Variants in ZC3H12C observed in about 807,000 individuals in gnomAD.
ZC3H12C encodes probable ribonuclease ZC3H12C.
A neutral mutation model predicts 76.3 loss-of-function variants in ZC3H12C; 20 were observed. The observed-to-expected ratio is 0.26, with a 90% CI of 0.18 to 0.38. The LOEUF (loss-of-function observed/expected upper bound fraction) is 0.38. Among genes scored for constraint, ZC3H12C ranks in the 10% least tolerant of loss-of-function variants. The probability of loss-of-function intolerance (pLI) is 1.00; values close to 1 mark genes in which losing one functional copy is unlikely to be tolerated. For synonymous variants in ZC3H12C, 352 were observed against 399.6 expected, an observed-to-expected ratio of 0.88 and a Z score of 1.42; for missense variants, 874 against 1,086.5, an observed-to-expected ratio of 0.80 and a Z score of 2.75.
chr11:110,142,213 C>G (rs1862078280), intron 2 of ZC3H12C, among the ~76,000 whole-genome samples: 1 of 152,166 alleles, frequency 6.6e-6, no homozygotes. Flanking sequence ...CATTGCACCT[C>G]TTTATAATTC....
intron 4 of ZC3H12C, among the ~76,000 whole-genome samples, chr11:110,162,433 G>T (rs1862497505): frequency 6.6e-6 from 1 of 152,124 alleles, no homozygotes; most frequent in Admixed American, 6.5e-5. Flanking sequence ...TCCTGTAAGG[G>T]TTCATACATT....
chr11:110,169,745 TAATAAA>T lies in ZC3H12C; in HGVS notation c.*4010_*4015del, dbSNP rs997540325. 4.6e-5 allele frequency: 7 copies of T among 152,190 alleles called. No individual in the cohort carries two copies. Among genetic ancestry groups the T allele is most frequent in the African/African-American group, 1.2e-4 (5 of 41,456 alleles). The allele number at this position is 152,190 out of a possible 1,614,324, so 9.4% of individuals were successfully genotyped here. On this transcript the variant is annotated 3_prime_UTR_variant, in exon 6 of 6. Coordinates refer to ENST00000278590, the MANE Select transcript of ZC3H12C (RefSeq NM_033390.2). ...TTAGAATAAGAGAAAACAGTAGTGT[TAATAAA>T]AGTAAAGAAACATACACTATCTTAG...
chr11:110,140,529 C>CAT (rs1244150568), intron 2 of ZC3H12C, among the ~76,000 whole-genome samples: 3 of 152,308 alleles, frequency 2.0e-5, no homozygotes, highest in African/African-American at 7.2e-5. Flanking sequence ...CACATCATGC[C>CAT]ATAGCACACA....
intron 1 of ZC3H12C, among the ~76,000 whole-genome samples, chr11:110,103,998 T>C (rs1016464388): frequency 3.4e-5 from 5 of 145,526 alleles, no homozygotes; most frequent in African/African-American, 1.0e-4. Flanking sequence ...AAACAATTCT[T>C]TTTTTTTTTT....
intron 1 of ZC3H12C, among the ~76,000 whole-genome samples, chr11:110,093,780 C>T (rs1459488089): frequency 1.3e-5 from 2 of 152,054 alleles, no homozygotes; most frequent in East Asian, 1.9e-4. Context: ...AACATGGAGG[C>T]GGGCTCGGGC....
At chr11:110,126,216 CTTTTT>C (rs56199067) in intron 1 of ZC3H12C, among the ~76,000 whole-genome samples, 1 of 86,248 alleles carries the variant, frequency 1.2e-5, no homozygotes. Context: ...TTGTTTTCTT[CTTTTT>C]TTTTTTTTTT....
rs1203726740 is a variant in ZC3H12C, at chr11:110,165,207, C to G, written c.2122C>G (p.Leu708Val). The change falls in exon 6 of 6, where the codon CTG becomes GTG. Residue 708 changes from leucine (L) to valine (V), a missense_variant. Coordinates refer to ENST00000278590, the MANE Select transcript of ZC3H12C (RefSeq NM_033390.2). The part of the protein sequence containing the change: ...HHKPPLPHLA[L>V]HLPHSAVGAR... ...CAAGCCTCCTCTTCCGCACCTGGCTCTGCACCTGCCGCACTCCGCTGTGGG... is the reference window on the plus strand; with the variant it reads ...CAAGCCTCCTCTTCCGCACCTGGCTGTGCACCTGCCGCACTCCGCTGTGGG... 1 of 1,613,960 alleles carries G rather than the reference C, an allele frequency of 6.2e-7. No homozygotes were observed. Among genetic ancestry groups the G allele is most frequent in the East Asian group, 2.2e-5 (1 of 44,890 alleles).
chr11:110,132,268 C>T (rs937695536), intron 1 of ZC3H12C, among the ~76,000 whole-genome samples: 1 of 151,818 alleles, frequency 6.6e-6, no homozygotes, highest in Non-Finnish European at 1.5e-5. Context: ...GAAGAATTAT[C>T]CAAGTTAACT....
intron 1 of ZC3H12C, chr11:110,130,865 C>A: frequency 1.6e-6 from 1 of 619,806 alleles, no homozygotes; most frequent in Non-Finnish European, 2.8e-6. Context: ...TAGAAACCTA[C>A]GAACCTGACG....
In ZC3H12C at chr11:110,164,822, A is replaced by G. The variant is rs1160267475; in HGVS notation, c.1737A>G (p.Pro579=). 1.2e-6 allele frequency: 2 copies of G among 1,614,056 alleles called. No homozygotes were observed. The highest frequency in any genetic ancestry group is 1.7e-6 in the Non-Finnish European group (2 of 1,179,890). ...CGCCAATGCCTTATGAACAGTATCC[A>G]AAATGTGACTCACCTGTCGACATCG... ...HGTPMPYEQY[P]KCDSPVDIGY... is the part of the protein sequence containing the mutation. The change falls in exon 6 of 6, where the codon CCA becomes CCG. Residue 579 remains proline, a synonymous_variant. Coordinates refer to ENST00000278590, the MANE Select transcript of ZC3H12C (RefSeq NM_033390.2). The surrounding 1 kb of genome is among the most constrained non-coding windows in gnomAD (Gnocchi z 5.7).
Position 110,169,072 on chromosome 11 carries a change from A to G in ZC3H12C, c.*3335A>G, listed in dbSNP as rs867381929. On this transcript the variant is annotated 3_prime_UTR_variant, in exon 6 of 6. Coordinates refer to ENST00000278590, the MANE Select transcript of ZC3H12C (RefSeq NM_033390.2). ...ACCGAGTCTGGGGTCTGGACGGCCAATGATAAGATTTAGAACCACTTGGAT... is the reference window on the plus strand; with the variant it reads ...ACCGAGTCTGGGGTCTGGACGGCCAGTGATAAGATTTAGAACCACTTGGAT... The G allele has an allele frequency of 6.6e-6, 1 of 152,112 alleles. No homozygotes were observed. Among genetic ancestry groups the G allele is most frequent in the Non-Finnish European group, 1.5e-5 (1 of 68,002 alleles). 9.4% of individuals were successfully genotyped at this position (152,112 alleles called of 1,614,324 possible).
intron 2 of ZC3H12C, among the ~76,000 whole-genome samples, chr11:110,138,455 A>G (rs1168759065): frequency 2.0e-5 from 3 of 152,042 alleles, no homozygotes; most frequent in Non-Finnish European, 2.9e-5. Context: ...AGAAACAGGT[A>G]AAATTAATGT....
chr11:110,156,601 C>T (rs571997653), intron 3 of ZC3H12C, among the ~76,000 whole-genome samples: 1 of 152,306 alleles, frequency 6.6e-6, no homozygotes, highest in African/African-American at 2.4e-5. Context: ...AGTAGACATC[C>T]TCACAAATAA....
At chr11:110,099,341 A>G (rs1439922864) in intron 1 of ZC3H12C, among the ~76,000 whole-genome samples, 1 of 152,214 alleles carries the variant, frequency 6.6e-6, no homozygotes, top group African/African-American at 2.4e-5. Context: ...ACATAGAGTC[A>G]GAGTACTGAT....
At chr11:110,105,449 T>G (rs1861305284) in intron 1 of ZC3H12C, among the ~76,000 whole-genome samples, 1 of 152,178 alleles carries the variant, frequency 6.6e-6, no homozygotes, top group Non-Finnish European at 1.5e-5. Context: ...ATCATGCATA[T>G]GAAAAAATAG....
At chr11:110,146,806 TA>T (rs1311045084) in intron 2 of ZC3H12C, among the ~76,000 whole-genome samples, 2 of 152,190 alleles carry the variant, frequency 1.3e-5, no homozygotes, top group Non-Finnish European at 2.9e-5. Context: ...TGTCTATCCT[TA>T]CCATCCACAT....
intron 3 of ZC3H12C, among the ~76,000 whole-genome samples, chr11:110,157,161 G>A (rs1407186907): frequency 5.4e-5 from 8 of 148,412 alleles, no homozygotes; most frequent in Non-Finnish European, 1.0e-4. Context: ...CCTGGGTGAC[G>A]GAGCAAGACT....
chr11:110,101,228 C>G (rs528934084), intron 1 of ZC3H12C, among the ~76,000 whole-genome samples: 1 of 152,254 alleles, frequency 6.6e-6, no homozygotes, highest in East Asian at 1.9e-4. Context: ...AAAAAAAGTT[C>G]AAAGCTAGCA....
chr11:110,138,356 A>G (rs1862008608), intron 2 of ZC3H12C, among the ~76,000 whole-genome samples: 1 of 152,152 alleles, frequency 6.6e-6, no homozygotes, highest in Non-Finnish European at 1.5e-5. Flanking sequence ...TGGAAAATGC[A>G]GATTCTATAT....
Sources: gnomAD v4.1 joint callset for allele counts (sites outside exome capture counted in the v4.1 genomes callset) on GRCh38, gnomAD v4.1.1 for gene constraint, Gnocchi (gnomAD v3.1) non-coding constraint, MANE v1.5 for transcripts, NCBI Gene and HGNC (gene_info 2026-07-23, HGNC 2026-07-21) for gene names.